Variants in CRLF3 observed in about 807,000 individuals in gnomAD.
The protein encoded by CRLF3 is cytokine receptor like factor 3.
Under a neutral mutation model 55.0 loss-of-function variants are expected in CRLF3, and 33 were observed. That is an observed-to-expected ratio of 0.60 (90% confidence interval 0.46 to 0.80). CRLF3 has a LOEUF of 0.80. Ranked by LOEUF, CRLF3 falls within the 30% of genes least tolerant of loss-of-function variation. The pLI, the probability that CRLF3 is intolerant of heterozygous loss-of-function variation, is 0.00. For synonymous variants in CRLF3, 238 were observed against 196.8 expected (o/e 1.21, Z -1.75); for missense variants, 494 against 538.4 (o/e 0.92, Z 0.82).
At chr17:30,795,196 C>A (rs775841136) in intron 4 of CRLF3, among the ~76,000 whole-genome samples, 7 of 152,080 alleles carry the variant, frequency 4.6e-5, no homozygotes, top group Admixed American at 1.3e-4. Context: ...TTAATAAAAT[C>A]TCAGCTGGGC....
At chr17:30,784,475 G>A in intron 7 of CRLF3, 32 bp from the exon 8 acceptor site, 1 of 1,571,760 alleles carries the variant, frequency 6.4e-7, no homozygotes, top group African/African-American at 1.4e-5. Context: ...TCATTTACAT[G>A]TGAGCAATAA....
intron 2 of CRLF3, among the ~76,000 whole-genome samples, chr17:30,802,357 T>C (rs1229253774): frequency 6.6e-6 from 1 of 152,122 alleles, no homozygotes; most frequent in Non-Finnish European, 1.5e-5. Flanking sequence ...CCTGACCTGA[T>C]GATCCGCCCA....
At chr17:30,794,564 G>T (rs113111419) in intron 4 of CRLF3, among the ~76,000 whole-genome samples, 3 of 152,144 alleles carry the variant, frequency 2.0e-5, no homozygotes, top group Non-Finnish European at 4.4e-5. Flanking sequence ...TTGAGAGGCC[G>T]AAGCGGGTGG....
intron 1 of CRLF3, among the ~76,000 whole-genome samples, chr17:30,816,508 T>A (rs1047727223): frequency 2.7e-5 from 4 of 149,236 alleles, no homozygotes; most frequent in East Asian, 1.9e-4. Context: ...TTTTTTTTTT[T>A]AGACAGGGTC....
At chr17:30,793,829 ACAT>A (rs1971861650) in intron 4 of CRLF3, among the ~76,000 whole-genome samples, 157 bp from the exon 5 acceptor site, 1 of 151,986 alleles carries the variant, frequency 6.6e-6, no homozygotes, top group Non-Finnish European at 1.5e-5. Flanking sequence ...ATATGCCATC[ACAT>A]CATTATCTCC....
intron 5 of CRLF3, chr17:30,792,884 C>T (rs1020959636): frequency 2.8e-4 from 50 of 178,184 alleles, no homozygotes; most frequent in African/African-American, 1.1e-3. Flanking sequence ...AGGCCAGGCG[C>T]GGTGGCTCAC....
chr17:30,791,468 A>C (rs1045453650), intron 6 of CRLF3, among the ~76,000 whole-genome samples: 1 of 151,758 alleles, frequency 6.6e-6, no homozygotes, highest in Non-Finnish European at 1.5e-5. Flanking sequence ...CGGCCTCCCA[A>C]AGTGCTGGGA....
chr17:30,802,236 C>T (rs1360075654), intron 2 of CRLF3, among the ~76,000 whole-genome samples: 1 of 151,366 alleles, frequency 6.6e-6, no homozygotes, highest in African/African-American at 2.4e-5. Flanking sequence ...AATTCTCCTG[C>T]CTCAGCCTCC....
chr17:30,808,749 A>C (rs184756103), intron 1 of CRLF3, among the ~76,000 whole-genome samples: 2 of 150,958 alleles, frequency 1.3e-5, no homozygotes, highest in African/African-American at 4.9e-5. Flanking sequence ...TGCGCCACCA[A>C]GCCCAGCTAA....
chr17:30,794,462 A>T (rs1971873770), intron 4 of CRLF3, among the ~76,000 whole-genome samples: 1 of 152,068 alleles, frequency 6.6e-6, no homozygotes, highest in Non-Finnish European at 1.5e-5. Context: ...TGAATATTCA[A>T]CCTAATTTGT....
At chr17:30,824,431 G>A (rs1489633384) in intron 1 of CRLF3, 92 bp downstream of exon 1, 3 of 1,305,042 alleles carry the variant, frequency 2.3e-6, no homozygotes, top group Admixed American at 5.3e-5. Context: ...AGAGTTTTCG[G>A]ACAGTCCCAC....
intron 1 of CRLF3, among the ~76,000 whole-genome samples, chr17:30,817,702 T>C (rs1201226077): frequency 2.0e-5 from 3 of 147,560 alleles, no homozygotes; most frequent in Non-Finnish European, 4.5e-5. Flanking sequence ...GGTCAACAGA[T>C]GGAGACCATC....
intron 1 of CRLF3, among the ~76,000 whole-genome samples, chr17:30,816,491 T>TTTC (rs1555550254): frequency 3.4e-4 from 50 of 146,006 alleles, no homozygotes; most frequent in Admixed American, 9.5e-4. Flanking sequence ...TTTCTTTCTT[T>TTTC]TTTTTTTTTT....
At chr17:30,813,462 G>C (rs1341377635) in intron 1 of CRLF3, among the ~76,000 whole-genome samples, 1 of 152,218 alleles carries the variant, frequency 6.6e-6, no homozygotes, top group Non-Finnish European at 1.5e-5. Flanking sequence ...AGAGCATTAT[G>C]ATGGGAAAGA....
intron 1 of CRLF3, among the ~76,000 whole-genome samples, chr17:30,816,281 CAAAA>C (rs547414738): frequency 3.1e-5 from 2 of 64,352 alleles, no homozygotes. Flanking sequence ...GACTCCATCT[CAAAA>C]AAAAAAAAAA....
rs889240113 is a variant in CRLF3 at position 30,786,116 on chromosome 17, A to G, written c.960-85T>C. On this transcript the variant is annotated intron_variant, in intron 6 of 7. Transcript: ENST00000324238. ...AACAGCCACTAGCTTAAAAAGAGCAATCTCACCACAATTGTTTTTTTCTAA... is the reference window on the plus strand; with the variant it reads ...AACAGCCACTAGCTTAAAAAGAGCAGTCTCACCACAATTGTTTTTTTCTAA... 1.1e-5 allele frequency: 8 copies of G among 756,596 alleles called. No individual in the cohort carries two copies. In the Admixed American group the frequency reaches 1.4e-4, roughly 14 times the overall value. The allele number at this position is 756,596 out of a possible 1,614,324, so 46.9% of individuals were successfully genotyped here. A position where few individuals can be genotyped will look rare whatever the true frequency, so the allele number is the denominator to read the frequency against.
At chr17:30,815,543 T>TC (rs201181012) in intron 1 of CRLF3, among the ~76,000 whole-genome samples, 30 of 60,796 alleles carry the variant, frequency 4.9e-4, no homozygotes, top group Admixed American at 1.2e-3. Context: ...AGTTTCTTCT[T>TC]TTTTTTTTTT....
At chr17:30,822,066 A>AG (rs1905015580) in intron 1 of CRLF3, among the ~76,000 whole-genome samples, 1 of 149,970 alleles carries the variant, frequency 6.7e-6, no homozygotes, top group African/African-American at 2.4e-5. Flanking sequence ...CCCCGCCAAA[A>AG]AAAAAAAAAA....
rs138673338 is a variant in CRLF3 at position 30,791,547 on chromosome 17, T to C, written c.959+893A>G. Among the ~76,000 whole-genome samples, 628 of 146,900 alleles carry C rather than the reference T, an allele frequency of 4.3e-3. 3 individuals are homozygous for C. Among genetic ancestry groups the C allele is most frequent in the African/African-American group, 0.015 (608 of 39,478 alleles). ...TTTTTTTTTTTTTTGAAACGGAGTCTTGCTGTGTCGCCCAGGCTGGAGTGC... is the reference window on the plus strand; with the variant it reads ...TTTTTTTTTTTTTTGAAACGGAGTCCTGCTGTGTCGCCCAGGCTGGAGTGC... On this transcript the variant is annotated intron_variant, in intron 6 of 7. Coordinates refer to ENST00000324238, the MANE Select transcript of CRLF3 (RefSeq NM_015986.4).
Sources: allele counts gnomAD v4.1 joint callset (sites outside exome capture counted in the v4.1 genomes callset), GRCh38; gene constraint gnomAD v4.1.1; transcripts MANE v1.5; gene names NCBI Gene and HGNC (gene_info 2026-07-23, HGNC 2026-07-21).